Variants in GLIS3 observed in about 807,000 individuals in gnomAD.
GLIS3 encodes zinc finger protein GLIS3.
In GLIS3, 53 loss-of-function variants were observed where a neutral mutation model predicts 78.6. The ratio of observed to expected loss-of-function variants is 0.67; its 90% CI spans 0.54 to 0.85. GLIS3 has a LOEUF of 0.85. Ranked by LOEUF, GLIS3 falls within the 40% of genes least tolerant of loss-of-function variation. The probability of loss-of-function intolerance (pLI) is 0.00; values close to 1 mark genes in which losing one functional copy is unlikely to be tolerated. For synonymous variants in GLIS3, 684 were observed against 509.9 expected, an observed-to-expected ratio of 1.34 and a Z score of -4.60; for missense variants, 1,703 against 1,231.1, an observed-to-expected ratio of 1.38 and a Z score of -5.74.
At chr9:4,396,235 C>T in the GLIS3 span, among the ~76,000 whole-genome samples, 3 of 152,202 alleles carry the variant, frequency 2.0e-5, no homozygotes, top group East Asian at 5.8e-4. Flanking sequence ...GCCTCAGCTT[C>T]CCAAGTAGCT....
chr9:3,973,199 C>A (rs1031544006), intron 4 of GLIS3, among the ~76,000 whole-genome samples: 2 of 152,124 alleles, frequency 1.3e-5, no homozygotes, highest in South Asian at 2.1e-4. Flanking sequence ...AGTGTGATAT[C>A]CTCCTGGGAT....
chr9:4,170,666 A>T (rs1286915649), intron 2 of GLIS3, among the ~76,000 whole-genome samples: 1 of 152,118 alleles, frequency 6.6e-6, no homozygotes, highest in Non-Finnish European at 1.5e-5. Flanking sequence ...CTTACACGAA[A>T]TGTACGGTGG....
intron 2 of GLIS3, among the ~76,000 whole-genome samples, chr9:4,163,268 A>ACACG (rs982409447): frequency 2.9e-4 from 44 of 151,328 alleles, no homozygotes; most frequent in South Asian, 8.3e-4. Context: ...ACACACACAC[A>ACACG]CGCGCACGCG....
chr9:4,152,799 G>T (rs1834779054), intron 2 of GLIS3, among the ~76,000 whole-genome samples: 1 of 152,076 alleles, frequency 6.6e-6, no homozygotes, highest in South Asian at 2.1e-4. Flanking sequence ...ATGAAAAAAA[G>T]AATTAAAAAT....
chr9:4,397,922 T>A, the GLIS3 span, among the ~76,000 whole-genome samples: 41,075 of 151,792 alleles, frequency 0.27, 5,955 homozygotes, highest in East Asian at 0.37. Flanking sequence ...CATTCCTCCA[T>A]TGTGGGTCCC....
upstream of GLIS3, among the ~76,000 whole-genome samples, chr9:4,349,142 C>A (rs759326999): frequency 1.3e-5 from 2 of 152,210 alleles, no homozygotes; most frequent in African/African-American, 2.4e-5. Context: ...CAACTTTCAA[C>A]TTAAAATAAG....
At chr9:4,007,195 G>A (rs1437205567) in intron 4 of GLIS3, among the ~76,000 whole-genome samples, 1 of 152,148 alleles carries the variant, frequency 6.6e-6, no homozygotes, top group African/African-American at 2.4e-5. Flanking sequence ...GCTTGAGCCT[G>A]CTTGGTGCTG....
intron 4 of GLIS3, among the ~76,000 whole-genome samples, chr9:4,018,975 T>C (rs1822653446): frequency 6.6e-6 from 1 of 152,178 alleles, no homozygotes; most frequent in Non-Finnish European, 1.5e-5. Context: ...CTCGAAGTCC[T>C]ATTAAGGCAT....
At chr9:4,410,150 T>C in the GLIS3 span, among the ~76,000 whole-genome samples, 1 of 151,356 alleles carries the variant, frequency 6.6e-6, no homozygotes, top group African/African-American at 2.4e-5. Context: ...TTTTTTTTTT[T>C]TTCTTAAGCA....
intron 4 of GLIS3, among the ~76,000 whole-genome samples, chr9:3,991,622 T>C (rs961344213): frequency 3.3e-5 from 5 of 152,056 alleles, no homozygotes; most frequent in Non-Finnish European, 7.4e-5. Context: ...ATTTTAACTG[T>C]TGCTTATCTT....
At chr9:4,302,350 G>A (rs1313787470), upstream of GLIS3, among the ~76,000 whole-genome samples, 2 of 152,180 alleles carry the variant, frequency 1.3e-5, no homozygotes, top group Non-Finnish European at 2.9e-5. Context: ...ACTCAGGGCA[G>A]CTGACTCAGC....
chr9:4,391,095 G>A, the GLIS3 span, among the ~76,000 whole-genome samples: 1 of 152,152 alleles, frequency 6.6e-6, no homozygotes, highest in East Asian at 1.9e-4. Flanking sequence ...CACCATCGCT[G>A]CCAGGATAGA....
chr9:4,113,174 T>C (rs79398429), intron 4 of GLIS3, among the ~76,000 whole-genome samples: 5,034 of 152,194 alleles, frequency 0.033, 278 homozygotes, highest in African/African-American at 0.11. Context: ...ATATATGTAA[T>C]ATATATATGC....
chr9:4,276,336 G>C (rs1356000302), intron 2 of GLIS3, among the ~76,000 whole-genome samples: 4 of 67,250 alleles, frequency 5.9e-5, no homozygotes, highest in Non-Finnish European at 1.4e-4. Flanking sequence ...GGGGAGGAGA[G>C]GGAAGGAGAG....
intron 4 of GLIS3, among the ~76,000 whole-genome samples, chr9:4,067,524 G>T (rs1343080117): frequency 1.3e-5 from 2 of 151,822 alleles, no homozygotes; most frequent in Admixed American, 6.6e-5. Context: ...AAGAATCATT[G>T]TAAAAACATC....
chr9:4,288,388 T>C (rs1427199854), intron 1 of GLIS3, among the ~76,000 whole-genome samples: 1 of 152,188 alleles, frequency 6.6e-6, no homozygotes, highest in Non-Finnish European at 1.5e-5. Context: ...TAAAGAATTG[T>C]TCAACATGAC....
chr9:4,203,107 A>C (rs1819555322), intron 2 of GLIS3, among the ~76,000 whole-genome samples: 1 of 152,218 alleles, frequency 6.6e-6, no homozygotes, highest in South Asian at 2.1e-4. Context: ...GAATCTACAA[A>C]GAACTTAAAC....
At chr9:4,030,990 A>G (rs1371072422) in intron 4 of GLIS3, among the ~76,000 whole-genome samples, 1 of 152,188 alleles carries the variant, frequency 6.6e-6, no homozygotes, top group Non-Finnish European at 1.5e-5. Context: ...AAAAAAATGG[A>G]AAATAACAAG....
the GLIS3 span, among the ~76,000 whole-genome samples, chr9:4,460,670 G>C: frequency 6.6e-6 from 1 of 150,610 alleles, no homozygotes; most frequent in Non-Finnish European, 1.5e-5. Flanking sequence ...AGTAATGTAA[G>C]GCTCCAAAGA....
Sources: allele counts gnomAD v4.1 joint callset (sites outside exome capture counted in the v4.1 genomes callset), GRCh38; gene constraint gnomAD v4.1.1; transcripts MANE v1.5; gene names NCBI Gene and HGNC (gene_info 2026-07-23, HGNC 2026-07-21).